Variants in MCTP1 observed in about 807,000 individuals in gnomAD.
MCTP1 encodes the protein multiple C2 and transmembrane domain containing 1.
In MCTP1, 69 loss-of-function variants were observed where a neutral mutation model predicts 120.6. The ratio of observed to expected loss-of-function variants is 0.57; its 90% CI spans 0.47 to 0.70. The LOEUF (loss-of-function observed/expected upper bound fraction) is 0.70, where lower values mean the gene tolerates loss of function less well. MCTP1 is among the 30% of genes least tolerant of loss of function. MCTP1 has a pLI of 0.00. For synonymous variants in MCTP1, 529 were observed against 493.1 expected, an observed-to-expected ratio of 1.07 and a Z score of -0.96; for missense variants, 1,203 against 1,248.8, an observed-to-expected ratio of 0.96 and a Z score of 0.55.
chr5:95,113,519 G>A (rs1757603066), intron 1 of MCTP1, among the ~76,000 whole-genome samples: 1 of 152,138 alleles, frequency 6.6e-6, no homozygotes, highest in Non-Finnish European at 1.5e-5. Flanking sequence ...TGAACTCAGT[G>A]CTGCCTGGTC....
At chr5:94,829,557 C>T (rs1788059781) in intron 17 of MCTP1, among the ~76,000 whole-genome samples, 1 of 152,102 alleles carries the variant, frequency 6.6e-6, no homozygotes, top group Admixed American at 6.6e-5. Context: ...AATCACTATG[C>T]GTGTCTCTCT....
At chr5:94,953,531 G>C (rs1402209375) in intron 2 of MCTP1, among the ~76,000 whole-genome samples, 170 bp from the exon 3 acceptor site, 1 of 151,480 alleles carries the variant, frequency 6.6e-6, no homozygotes, top group Non-Finnish European at 1.5e-5. Context: ...ATATATTGAA[G>C]TGATAAATAA....
intron 19 of MCTP1, among the ~76,000 whole-genome samples, chr5:94,738,600 C>T (rs1183344333): frequency 1.3e-5 from 2 of 152,180 alleles, no homozygotes; most frequent in African/African-American, 4.8e-5. Context: ...CCATTGCCTA[C>T]AAGAAGCCCT....
At chr5:94,953,040 C>A (rs1178282398) in intron 3 of MCTP1, among the ~76,000 whole-genome samples, 179 bp downstream of exon 3, 1 of 152,144 alleles carries the variant, frequency 6.6e-6, no homozygotes, top group Non-Finnish European at 1.5e-5. Context: ...AGAAGAATGC[C>A]CCTGCTAGCT....
At chr5:95,148,587 C>A (rs745871003) in intron 1 of MCTP1, among the ~76,000 whole-genome samples, 5 of 152,146 alleles carry the variant, frequency 3.3e-5, no homozygotes, top group Non-Finnish European at 5.9e-5. Flanking sequence ...TTTTTCAGCT[C>A]TTGGATCATT....
chr5:94,924,470 T>C lies in MCTP1; in HGVS notation c.1213-449A>G, dbSNP rs1812496643. ...CCTAGTCAAATTTGGTTTACATTTC[T>C]ACAAAAAATTCCAAATTTTATAATA... On this transcript the variant is annotated intron_variant, in intron 6 of 22. Transcript: ENST00000515393. 2.0e-5 allele frequency among the ~76,000 whole-genome samples: 3 copies of C among 152,316 alleles called. No homozygotes were observed. In the South Asian group the frequency reaches 6.2e-4, roughly 32 times the overall value.
At chr5:94,997,650 A>G (rs1832873617) in intron 2 of MCTP1, among the ~76,000 whole-genome samples, 1 of 152,144 alleles carries the variant, frequency 6.6e-6, no homozygotes, top group Non-Finnish European at 1.5e-5. Context: ...ACTACCTATC[A>G]ACATCCCTCA....
At chr5:95,211,173 G>A (rs1752323732) in intron 1 of MCTP1, among the ~76,000 whole-genome samples, 2 of 152,018 alleles carry the variant, frequency 1.3e-5, no homozygotes, top group African/African-American at 2.4e-5. Flanking sequence ...TCTTCTCGAG[G>A]AGTATCTTTG....
chr5:94,855,641 C>G (rs1472687506), intron 17 of MCTP1, among the ~76,000 whole-genome samples: 1 of 151,686 alleles, frequency 6.6e-6, no homozygotes, highest in Non-Finnish European at 1.5e-5. Flanking sequence ...TACTAACAGC[C>G]TGCTGCAGCC....
At chr5:95,012,336 T>G (rs1836169861) in intron 2 of MCTP1, among the ~76,000 whole-genome samples, 1 of 152,152 alleles carries the variant, frequency 6.6e-6, no homozygotes, top group East Asian at 1.9e-4. Context: ...GGTATATCAT[T>G]AAGTAGTTTC....
At chr5:94,823,537 G>T (rs1160067780) in intron 17 of MCTP1, among the ~76,000 whole-genome samples, 1 of 152,110 alleles carries the variant, frequency 6.6e-6, no homozygotes, top group East Asian at 1.9e-4. Flanking sequence ...GGTCTCTTTT[G>T]ATTTCATATG....
At chr5:95,275,167 C>A (rs1759726137) in intron 1 of MCTP1, among the ~76,000 whole-genome samples, 1 of 152,188 alleles carries the variant, frequency 6.6e-6, no homozygotes, top group Non-Finnish European at 1.5e-5. Context: ...CCAGATATGA[C>A]CTCTCTGAGT....
intron 1 of MCTP1, among the ~76,000 whole-genome samples, chr5:95,143,117 T>C (rs943287452): frequency 1.3e-5 from 2 of 152,162 alleles, no homozygotes; most frequent in South Asian, 4.1e-4. Context: ...TTATAGGCAT[T>C]CCTCCTTCCA....
chr5:95,071,264 G>T (rs1314790296), intron 1 of MCTP1, among the ~76,000 whole-genome samples: 3 of 152,198 alleles, frequency 2.0e-5, no homozygotes, highest in Admixed American at 6.5e-5. Flanking sequence ...GTCTGTCTGA[G>T]GTACCCGCTG....
At position 94,707,647 on chromosome 5, in the gene MCTP1, C is replaced by T. The variant is rs113202600; in HGVS notation, c.2929-80G>A. On this transcript the variant is annotated intron_variant, in intron 22 of 22. Coordinates refer to ENST00000515393, the MANE Select transcript of MCTP1 (RefSeq NM_024717.7). The stretch of plus-strand genomic sequence containing the variant: ...AAAGGAACAGCAAAGGAATGAGAGA[C>T]GGTGCTTGGGGGAAGAAAGTGCTCA... 9,722 of 1,070,538 alleles carry T rather than the reference C, an allele frequency of 9.1e-3. 78 individuals carry two copies. Among genetic ancestry groups the T allele is most frequent in the Non-Finnish European group, 0.012 (7,978 of 692,108 alleles). The allele number at this position is 1,070,538 out of a possible 1,614,324, so 66.3% of individuals were successfully genotyped here.
At chr5:95,072,740 A>T (rs371619409) in intron 1 of MCTP1, among the ~76,000 whole-genome samples, 353 of 95,184 alleles carry the variant, frequency 3.7e-3, no homozygotes, top group Admixed American at 4.1e-3. Context: ...CTTAGCAACT[A>T]TTTTTTTTTT....
chr5:94,710,713 A>T, intron 21 of MCTP1, 105 bp downstream of exon 21: 1 of 685,678 alleles, frequency 1.5e-6, no homozygotes, highest in Non-Finnish European at 2.5e-6. Context: ...GAGTAGCTTC[A>T]TGACCATAAA....
At chr5:94,781,468 A>C (rs1776566183) in intron 18 of MCTP1, among the ~76,000 whole-genome samples, 1 of 152,168 alleles carries the variant, frequency 6.6e-6, no homozygotes, top group Non-Finnish European at 1.5e-5. Context: ...ATCTCACAGA[A>C]CTGACTTAGT....
At chr5:95,090,475 C>T (rs1020184349) in intron 1 of MCTP1, among the ~76,000 whole-genome samples, 2 of 151,998 alleles carry the variant, frequency 1.3e-5, no homozygotes, top group Admixed American at 1.3e-4. Flanking sequence ...CGGTCCTTGG[C>T]TTTTTTTGCT....
Sources: allele counts gnomAD v4.1 joint callset (sites outside exome capture counted in the v4.1 genomes callset), GRCh38; gene constraint gnomAD v4.1.1; transcripts MANE v1.5; gene names NCBI Gene and HGNC (gene_info 2026-07-23, HGNC 2026-07-21).